NFIB: variants seen among roughly 807,000 people sequenced by gnomAD.
The protein encoded by NFIB is nuclear factor 1 B-type.
NFIB carries 11 observed loss-of-function variants against 61.5 expected under a neutral mutation model. That is an observed-to-expected ratio of 0.18 (90% confidence interval 0.11 to 0.30). The LOEUF is 0.30. Ranked by LOEUF, NFIB falls within the 10% of genes least tolerant of loss-of-function variation. NFIB has a pLI of 1.00. For synonymous variants in NFIB, 260 were observed against 216.5 expected (o/e 1.20, Z -1.76); for missense variants, 471 against 608.9 (o/e 0.77, Z 2.38).
chr9:14,484,644 T>G, the NFIB span, among the ~76,000 whole-genome samples: 1 of 152,218 alleles, frequency 6.6e-6, no homozygotes, highest in African/African-American at 2.4e-5. Flanking sequence ...GGCCATTTGC[T>G]TTGCATCATG....
At position 14,132,108 on chromosome 9, in the gene NFIB, G is replaced by A. The variant is rs1054812047; in HGVS notation, c.926-6342C>T. Among the ~76,000 whole-genome samples, 4 of 151,980 alleles carry A rather than the reference G, an allele frequency of 2.6e-5. No individual in the cohort carries two copies. In the East Asian group the frequency reaches 5.8e-4, roughly 22 times the overall value. On this transcript the variant is annotated intron_variant, in intron 6 of 10. Coordinates refer to ENST00000380953, the MANE Select transcript of NFIB (RefSeq NM_001190737.2). ...TTTCAAATTAATTATGTAAGAACAC[G>A]CAAGAATTCTTGAATTTCTGGAAGC...
chr9:14,131,996 C>G lies in NFIB; in HGVS notation c.926-6230G>C, dbSNP rs115727603. Among the ~76,000 whole-genome samples the G allele has an allele frequency of 5.1e-3, 780 of 152,264 alleles. 8 individuals carry two copies. The highest frequency in any genetic ancestry group is 0.016 in the African/African-American group (679 of 41,554). ...GCTCGAGTAGATTAAGGTTACAAAT[C>G]AGACTACTAAAGCCTACATAGAAAA... On this transcript the variant is annotated intron_variant, in intron 6 of 10. Coordinates refer to ENST00000380953, the MANE Select transcript of NFIB (RefSeq NM_001190737.2).
intron 2 of NFIB, among the ~76,000 whole-genome samples, chr9:14,230,416 C>T (rs979159650): frequency 2.0e-5 from 3 of 152,086 alleles, no homozygotes; most frequent in African/African-American, 7.2e-5. Flanking sequence ...TAGAGAGCAA[C>T]AGAAATGCAA....
At chr9:14,495,639 T>A in the NFIB span, among the ~76,000 whole-genome samples, 3 of 152,020 alleles carry the variant, frequency 2.0e-5, no homozygotes, top group African/African-American at 7.3e-5. Flanking sequence ...GGTTTCCAGG[T>A]GCAGTGTAAT....
chr9:14,226,183 T>G (rs1311181096), intron 2 of NFIB, among the ~76,000 whole-genome samples: 1 of 152,174 alleles, frequency 6.6e-6, no homozygotes, highest in African/African-American at 2.4e-5. Flanking sequence ...CATCTCCCTT[T>G]TAACAAGCTA....
chr9:14,085,891 CAACA>C lies in NFIB; in HGVS notation c.*2414_*2417del, dbSNP rs1355435458. On this transcript the variant is annotated 3_prime_UTR_variant, in exon 11 of 11. Transcript: ENST00000380953. ...TAAACTCTCAAAAGTGTTAAACATC[CAACA>C]TCCCCTATGTGGACATTTCAACAAA... 2 of 225,828 alleles carry C rather than the reference CAACA, an allele frequency of 8.9e-6. No individual in the cohort carries two copies. The highest frequency in any genetic ancestry group is 1.8e-5 in the Non-Finnish European group (2 of 113,430). 14.0% of individuals were successfully genotyped at this position (225,828 alleles called of 1,614,324 possible). A position where few individuals can be genotyped will look rare whatever the true frequency, so the allele number is the denominator to read the frequency against.
At chr9:14,334,156 T>G (rs1212077850) in intron 1 of NFIB, among the ~76,000 whole-genome samples, 1 of 152,236 alleles carries the variant, frequency 6.6e-6, no homozygotes, top group African/African-American at 2.4e-5. Context: ...GAGGCCAATA[T>G]AAATAATGGA....
intron 2 of NFIB, among the ~76,000 whole-genome samples, chr9:14,242,534 T>C (rs1227669406): frequency 6.6e-6 from 1 of 152,328 alleles, no homozygotes; most frequent in African/African-American, 2.4e-5. Context: ...AAAAATTGAT[T>C]AAGCATCACA....
chr9:14,143,472 A>G (rs2041967657), intron 6 of NFIB, among the ~76,000 whole-genome samples: 2 of 152,292 alleles, frequency 1.3e-5, no homozygotes, highest in East Asian at 3.9e-4. Flanking sequence ...TTTGATTCTC[A>G]TATTTAATAA....
intron 9 of NFIB, among the ~76,000 whole-genome samples, chr9:14,115,674 C>G (rs1175772034): frequency 6.6e-6 from 1 of 152,146 alleles, no homozygotes; most frequent in Non-Finnish European, 1.5e-5. Flanking sequence ...GTGCCTAATA[C>G]TAAGTTTTGA....
the NFIB span, among the ~76,000 whole-genome samples, chr9:14,512,720 T>C: frequency 2.0e-5 from 3 of 152,072 alleles, no homozygotes; most frequent in South Asian, 2.1e-4. Flanking sequence ...TCTTCCCTCT[T>C]GTGTTTCTTC....
At chr9:14,401,924 G>A (rs2061746562), upstream of NFIB, among the ~76,000 whole-genome samples, 1 of 152,130 alleles carries the variant, frequency 6.6e-6, no homozygotes, top group African/African-American at 2.4e-5. Flanking sequence ...GAATGTCAAA[G>A]TACTGTCACA....
intron 2 of NFIB, among the ~76,000 whole-genome samples, chr9:14,292,663 T>C (rs551279358): frequency 1.3e-5 from 2 of 152,260 alleles, no homozygotes; most frequent in African/African-American, 4.8e-5. Context: ...CTGCAAACAG[T>C]AGGACCAGCA....
At chr9:14,301,440 G>T (rs1008692406) in intron 2 of NFIB, among the ~76,000 whole-genome samples, 9 of 152,142 alleles carry the variant, frequency 5.9e-5, no homozygotes, top group African/African-American at 1.4e-4. Context: ...TATACAGGGT[G>T]GGGGGAAGGA....
intron 2 of NFIB, among the ~76,000 whole-genome samples, chr9:14,253,386 T>C (rs2055870719): frequency 6.6e-6 from 1 of 152,182 alleles, no homozygotes; most frequent in African/African-American, 2.4e-5. Flanking sequence ...CTCGAGATGA[T>C]TGTTTCAAGG....
At chr9:14,213,372 C>T (rs1448156409) in intron 2 of NFIB, among the ~76,000 whole-genome samples, 2 of 152,180 alleles carry the variant, frequency 1.3e-5, no homozygotes, top group East Asian at 3.9e-4. Context: ...TAAACACTTC[C>T]TAAGTCAGGT....
intron 6 of NFIB, among the ~76,000 whole-genome samples, chr9:14,127,885 C>A: frequency 6.9e-6 from 1 of 145,216 alleles, no homozygotes; most frequent in African/African-American, 2.6e-5. Flanking sequence ...TGTTGTGAAT[C>A]TATCAGAACT....
intron 2 of NFIB, among the ~76,000 whole-genome samples, chr9:14,222,703 G>A (rs1200151117): frequency 4.7e-5 from 7 of 148,526 alleles, no homozygotes; most frequent in African/African-American, 1.5e-4. Flanking sequence ...GCTGAGCTGG[G>A]AGGATGGCTT....
intron 3 of NFIB, among the ~76,000 whole-genome samples, chr9:14,177,520 A>G (rs774431602): frequency 1.3e-5 from 2 of 152,148 alleles, no homozygotes; most frequent in Non-Finnish European, 2.9e-5. Context: ...AGTTCATAGT[A>G]TTATAATACA....
Sources: gnomAD v4.1 joint callset for allele counts (sites outside exome capture counted in the v4.1 genomes callset) on GRCh38, gnomAD v4.1.1 for gene constraint, MANE v1.5 for transcripts, NCBI Gene and HGNC (gene_info 2026-07-23, HGNC 2026-07-21) for gene names.